The following ANKRD24 variants were observed in gnomAD, a reference collection of about 807,000 sequenced individuals.
ANKRD24 encodes the protein ankyrin repeat domain-containing protein 24.
A neutral mutation model predicts 127.8 loss-of-function variants in ANKRD24; 109 were observed. That is an observed-to-expected ratio of 0.85 (90% CI 0.73 to 1.00). The LOEUF (loss-of-function observed/expected upper bound fraction) is 1.00. Ranked by LOEUF, ANKRD24 falls within the 50% of genes least tolerant of loss-of-function variation. The pLI is 0.00. For missense variants in ANKRD24, 1,648 were observed against 1,570.2 expected (o/e 1.05, Z -0.84); for synonymous variants, 743 against 671.1 (o/e 1.11, Z -1.66).
At chr19:4,190,840 A>C (rs1167567984) in intron 2 of ANKRD24, among the ~76,000 whole-genome samples, 2 of 152,238 alleles carry the variant, frequency 1.3e-5, no homozygotes, top group Non-Finnish European at 2.9e-5. Flanking sequence ...AGCATTCCTC[A>C]GAAGTAGTAG....
At position 4,210,279 on chromosome 19, in the gene ANKRD24, C is replaced by T; in HGVS notation, c.966C>T (p.Ala322=). ...GAGGGGAACAGGATGATCGAGATGCCTATGAGGAGATCGTGAGGCTGCGGC... is the reference window on the plus strand; with the variant it reads ...GAGGGGAACAGGATGATCGAGATGCTTATGAGGAGATCGTGAGGCTGCGGC... ...ASIPMPDDRD[A]YEEIVRLRQE... is the part of the protein sequence containing the mutation. Residue 322 remains alanine, a synonymous_variant, in exon 13 of 22, where the codon GCC becomes GCT. Transcript: ENST00000318934. The T allele has an allele frequency of 6.3e-7, 1 of 1,587,014 alleles. No individual in the cohort carries two copies. Among genetic ancestry groups the T allele is most frequent in the Non-Finnish European group, 8.6e-7 (1 of 1,167,192 alleles).
At position 4,200,108 on chromosome 19, in the gene ANKRD24, G is replaced by A. The variant is rs755092650; in HGVS notation, c.280G>A (p.Ala94Thr). 5.6e-6 allele frequency: 9 copies of A among 1,603,054 alleles called. No individual in the cohort carries two copies. The highest frequency in any genetic ancestry group is 3.3e-4 in the Middle Eastern group (2 of 6,030). ...SAFHLAAMRG[A>T]ASCLEVMIAH... ...GTTCCACCTGGCGGCCATGCGGGGT[G>A]CGGCCAGCTGTCTGGAGGTGATGAT... The change falls in exon 5 of 22, where the codon GCG (alanine) becomes ACG (threonine). Residue 94 changes from alanine (A) to threonine (T), a missense_variant. Ala to Thr is a moderately conservative substitution (Grantham distance 58, BLOSUM62 0). Transcript: ENST00000318934.
rs1366445860 is a variant in ANKRD24, at chr19:4,195,877, G to A, written c.37-3806G>A. ...CCACTGCACTCCAGCCTGGGTGGAA[G>A]AGCAAGACTCCGTCTCAAAAGAAAA... is the stretch of plus-strand genomic sequence containing the variant. On this transcript the variant is annotated intron_variant, in intron 2 of 21. Coordinates refer to ENST00000318934, the MANE Select transcript of ANKRD24 (RefSeq NM_001393985.1). The surrounding 1 kb of genome is among the most constrained non-coding windows in gnomAD (Gnocchi z 4.2). Among the ~76,000 whole-genome samples, 2 of 152,210 alleles carry A rather than the reference G, an allele frequency of 1.3e-5. No individual in the cohort carries two copies. The highest frequency in any genetic ancestry group is 4.8e-5 in the African/African-American group (2 of 41,458).
At position 4,199,648 on chromosome 19, in the gene ANKRD24, A is replaced by G; in HGVS notation, c.37-35A>G. The G allele has an allele frequency of 6.6e-7, 1 of 1,506,884 alleles. No homozygotes were observed. The highest frequency in any genetic ancestry group is 1.3e-5 in the South Asian group (1 of 79,736). 93.3% of individuals were successfully genotyped at this position (1,506,884 alleles called of 1,614,324 possible). A position where few individuals can be genotyped will look rare whatever the true frequency, so the allele number is the denominator to read the frequency against. ...TCGCAGGCTTGGGGGACACTGTCTG[A>G]GGACCCCCTCGCCCAGGACCACCTC... On this transcript the variant is annotated intron_variant, in intron 2 of 21. Transcript: ENST00000318934. This position sits in a 1 kb window ranked among gnomAD's most constrained non-coding sequence, Gnocchi z 5.2.
Position 4,207,548 on chromosome 19 carries a change from C to A in ANKRD24, c.585C>A (p.Asp195Glu), listed in dbSNP as rs1453422352. The change falls in exon 9 of 22, where the codon GAC becomes GAA. Residue 195 changes from aspartate (D) to glutamate (E), a missense_variant. Physicochemically the swap from Asp to Glu is conservative, Grantham distance 45 (BLOSUM62 2). Transcript: ENST00000318934. ...LIIAAQMCHTDLCRLLLQQGA... is the reference protein window; with the variant it reads ...LIIAAQMCHTELCRLLLQQGA... ...TAGCAGCTCAGATGTGTCACACAGA[C>A]CTGTGCCGTCTCCTACTGCAGCAAG... 6.2e-7 allele frequency: 1 copy of A among 1,613,840 alleles called. No homozygotes were observed. Among genetic ancestry groups the A allele is most frequent in the African/African-American group, 1.3e-5 (1 of 74,936 alleles).
chr19:4,223,978 A>G, intron 20 of ANKRD24, 149 bp from the exon 21 acceptor site: 6 of 656,734 alleles, frequency 9.1e-6, no homozygotes, highest in Non-Finnish European at 1.5e-5. Flanking sequence ...GGGATTACAA[A>G]TGTATGCCAC....
chr19:4,186,179 C>T, intron 1 of ANKRD24: 2 of 1,158,594 alleles, frequency 1.7e-6, no homozygotes, highest in Non-Finnish European at 2.3e-6. Flanking sequence ...ATTTCTGTCA[C>T]TGTATAGATG....
Position 4,199,635 on chromosome 19 carries a change from G to T in ANKRD24, c.37-48G>T. 6.7e-7 allele frequency: 1 copy of T among 1,496,990 alleles called. No individual in the cohort carries two copies. Among genetic ancestry groups the T allele is most frequent in the South Asian group, 1.3e-5 (1 of 77,994 alleles). 92.7% of individuals were successfully genotyped at this position (1,496,990 alleles called of 1,614,324 possible). ...CAGATGCTGGGGGTCGCAGGCTTGGGGGACACTGTCTGAGGACCCCCTCGC... is the reference window on the plus strand; with the variant it reads ...CAGATGCTGGGGGTCGCAGGCTTGGTGGACACTGTCTGAGGACCCCCTCGC... On this transcript the variant is annotated intron_variant, in intron 2 of 21. Coordinates refer to ENST00000318934, the MANE Select transcript of ANKRD24 (RefSeq NM_001393985.1). The surrounding 1 kb of genome is among the most constrained non-coding windows in gnomAD (Gnocchi z 5.2).
Position 4,224,110 on chromosome 19 carries a change from C to A in ANKRD24, c.3298-17C>A, listed in dbSNP as rs768363671. 1 of 1,610,910 alleles carries A rather than the reference C, an allele frequency of 6.2e-7. No individual in the cohort carries two copies. Among genetic ancestry groups the A allele is most frequent in the South Asian group, 1.1e-5 (1 of 90,744 alleles). ...GGTGCTCCTGCTCTTCTGAGCGCCC[C>A]TTCCTCATGCCCACAGGAAGCTGCC... On this transcript the variant is annotated splice_polypyrimidine_tract_variant and intron_variant, in intron 20 of 21. Transcript: ENST00000318934.
chr19:4,190,292 G>A (rs1057009890), intron 2 of ANKRD24, among the ~76,000 whole-genome samples: 47 of 151,968 alleles, frequency 3.1e-4, no homozygotes, highest in African/African-American at 1.0e-3. Flanking sequence ...AAAATCAGCC[G>A]GGCGTGGTGG....
At position 4,222,721 on chromosome 19, in the gene ANKRD24, C is replaced by T. The variant is rs1248443012; in HGVS notation, c.3223C>T (p.Gln1075Ter). 6.2e-7 allele frequency: 1 copy of T among 1,612,324 alleles called. No individual in the cohort carries two copies. Among genetic ancestry groups the T allele is most frequent in the South Asian group, 1.1e-5 (1 of 90,810 alleles). ...VFNLKEALKE[Q>*]PAALATPEVE... ...CAATCTTAAGGAAGCCTTGAAGGAG[C>T]AGCCGGCCGCCCTCGCCACCCCTGA... Residue 1075 changes from glutamine to a stop codon, truncating the protein, a stop_gained, in exon 20 of 22, where the codon CAG (glutamine) becomes TAG (stop). Transcript: ENST00000318934. LOFTEE classifies it high-confidence loss of function.
intron 1 of ANKRD24, among the ~76,000 whole-genome samples, chr19:4,184,735 G>A (rs1267729454): frequency 6.6e-6 from 1 of 152,216 alleles, no homozygotes; most frequent in Admixed American, 6.5e-5. Flanking sequence ...AGGGTAGGTA[G>A]TGAGTGAATG....
At chr19:4,223,078 T>C (rs2145432083) in intron 20 of ANKRD24, among the ~76,000 whole-genome samples, 1 of 152,040 alleles carries the variant, frequency 6.6e-6, no homozygotes, top group East Asian at 1.9e-4. Flanking sequence ...CCTGCGTAGC[T>C]GGAATTACAG....
chr19:4,186,231 A>T, intron 1 of ANKRD24, 159 bp from the exon 2 acceptor site: 1 of 1,416,570 alleles, frequency 7.1e-7, no homozygotes, highest in Non-Finnish European at 9.2e-7. Flanking sequence ...GCCAAAGGAC[A>T]CACAGCAGGT....
At chr19:4,194,102 A>G (rs1015471681) in intron 2 of ANKRD24, among the ~76,000 whole-genome samples, 11 of 152,096 alleles carry the variant, frequency 7.2e-5, no homozygotes, top group Non-Finnish European at 1.6e-4. Context: ...CGATCTACAA[A>G]TGAATGGGCA....
chr19:4,207,755 T>A, intron 9 of ANKRD24, 26 bp from the exon 10 acceptor site: 1 of 1,563,606 alleles, frequency 6.4e-7, no homozygotes. Context: ...TGTTCTCATC[T>A]CCTCAGTAGC....
At chr19:4,207,147 C>A in intron 7 of ANKRD24, 95 bp from the exon 8 acceptor site, 10 of 928,732 alleles carry the variant, frequency 1.1e-5, no homozygotes, top group Non-Finnish European at 1.7e-5. Context: ...TGGTCTCAAA[C>A]TCCAGAACTC....
rs369765289 is a variant in ANKRD24 at position 4,211,047 on chromosome 19, G to C, written c.1059+675G>C. Among the ~76,000 whole-genome samples, 207 of 151,900 alleles carry C rather than the reference G, an allele frequency of 1.4e-3. 2 individuals carry two copies. The highest frequency in any genetic ancestry group is 4.7e-3 in the African/African-American group (196 of 41,478). On this transcript the variant is annotated intron_variant, in intron 13 of 21. Transcript: ENST00000318934. ...GGGGTTTCAGCACATTGGCCAGGCT[G>C]GTCTCTAACTCCTGACCTCAGGTGA...
chr19:4,219,430 G>A (rs1435702172), intron 18 of ANKRD24, among the ~76,000 whole-genome samples, 161 bp from the exon 19 acceptor site: 7 of 152,046 alleles, frequency 4.6e-5, no homozygotes, highest in East Asian at 1.9e-4. Flanking sequence ...TCGCACCACC[G>A]CACTCCAGCC....
Sources: allele counts gnomAD v4.1 joint callset (sites outside exome capture counted in the v4.1 genomes callset), GRCh38; gene constraint gnomAD v4.1.1; non-coding constraint Gnocchi (gnomAD v3.1); transcripts MANE v1.5; gene names NCBI Gene and HGNC (gene_info 2026-07-23, HGNC 2026-07-21).